WNK3: variants seen among roughly 807,000 people sequenced by gnomAD.
WNK3 encodes WNK lysine deficient protein kinase 3.
A neutral mutation model predicts 116.7 loss-of-function variants in WNK3; 18 were observed. The ratio of observed to expected loss-of-function variants is 0.15; its 90% CI spans 0.11 to 0.23. The LOEUF is 0.23. Among genes scored for constraint, WNK3 ranks in the 10% least tolerant of loss-of-function variants. The probability of loss-of-function intolerance (pLI) is 1.00; values close to 1 mark genes in which losing one functional copy is unlikely to be tolerated. For missense variants in WNK3, 993 were observed against 1,323.8 expected, an observed-to-expected ratio of 0.75 and a Z score of 3.88; for synonymous variants, 404 against 469.4, an observed-to-expected ratio of 0.86 and a Z score of 1.80.
chrX:54,274,498 C>A (rs2068418849), intron 10 of WNK3, among the ~76,000 whole-genome samples: 2 of 111,961 alleles, frequency 1.8e-5, no homozygotes, highest in South Asian at 7.5e-4. Context: ...AACTAAATGT[C>A]ATCTCCTCTC....
intron 10 of WNK3, among the ~76,000 whole-genome samples, chrX:54,275,415 ATGTGTGTGTGTGTGTGTGTGTGTG>A (rs782672834): frequency 3.4e-4 from 22 of 64,416 alleles, no homozygotes; most frequent in African/African-American, 1.0e-3. Context: ...ATAAGTTCAT[ATGTGTGTGTGTGTGTGTGTGTGTG>A]TGTGTGTGTG....
At chrX:54,237,156 G>C (rs2067970754) in exon 20 of WNK3, 2 of 1,211,927 alleles carry the variant, frequency 1.7e-6, no homozygotes, top group Non-Finnish European at 2.2e-6. Context: ...CACTATCAGA[G>C]CTAGGCTGTT....
intron 22 of WNK3, among the ~76,000 whole-genome samples, chrX:54,216,198 A>T (rs918253441): frequency 5.5e-5 from 6 of 108,448 alleles, no homozygotes; most frequent in African/African-American, 1.7e-4. Flanking sequence ...CTTTGTTCAC[A>T]TGTTTATCTG....
chrX:54,314,253 T>A (rs2068925642), intron 2 of WNK3, among the ~76,000 whole-genome samples: 1 of 109,958 alleles, frequency 9.1e-6, no homozygotes, highest in Non-Finnish European at 1.9e-5. Flanking sequence ...TCTCTTTGCT[T>A]GTTTACACCT....
At chrX:54,346,772 A>G (rs1209551955) in intron 1 of WNK3, among the ~76,000 whole-genome samples, 1 of 111,636 alleles carries the variant, frequency 9.0e-6, no homozygotes, top group African/African-American at 3.3e-5. Context: ...ATACACATAT[A>G]AAATATTTAG....
Position 54,255,658 on chromosome X carries a change from A to T in WNK3, c.2250+82T>A. The T allele has an allele frequency of 3.2e-6, 3 of 927,088 alleles. No individual in the cohort carries two copies. The South Asian group carries it at 1.0e-4, about 31-fold the overall frequency. The allele number at this position is 927,088 out of a possible 1,213,427, so 76.4% of individuals were successfully genotyped here. A position where few individuals can be genotyped will look rare whatever the true frequency, so the allele number is the denominator to read the frequency against. On this transcript the variant is annotated intron_variant, in intron 12 of 23. Coordinates refer to ENST00000354646, the Ensembl canonical transcript of WNK3. ...TAGAGAGGGTCTCGCAATATTCTAC[A>T]ACTCACTTCTGCAGCACTGCCCCTC...
intron 1 of WNK3, among the ~76,000 whole-genome samples, chrX:54,335,294 G>C (rs2069220650): frequency 9.0e-6 from 1 of 111,474 alleles, no homozygotes; most frequent in Non-Finnish European, 1.9e-5. Flanking sequence ...TCTTCAGTGA[G>C]ATAAAAGACG....
chrX:54,281,955 C>T (rs925089396), intron 10 of WNK3, among the ~76,000 whole-genome samples: 1 of 109,270 alleles, frequency 9.2e-6, no homozygotes, highest in Non-Finnish European at 1.9e-5. Context: ...GATTTCTTTT[C>T]GTTTGGATAT....
intron 10 of WNK3, among the ~76,000 whole-genome samples, 194 bp downstream of exon 10, chrX:54,292,694 G>A (rs1337523230): frequency 5.0e-5 from 4 of 80,363 alleles, no homozygotes; most frequent in Admixed American, 1.8e-4. Context: ...CAGCAAGAGC[G>A]ACACTCCACC....
rs782395852 is a variant in WNK3, at chrX:54,309,783, C to T, written c.711-468G>A. On this transcript the variant is annotated intron_variant, in intron 3 of 23. Coordinates refer to ENST00000354646, the Ensembl canonical transcript of WNK3. Reference sequence around the variant, plus strand: ...CTGACCTCAGGTGATCTGCCTGCCTCGGCCTCCCAAAGTGCTAGGATGACA... The same window carrying T: ...CTGACCTCAGGTGATCTGCCTGCCTTGGCCTCCCAAAGTGCTAGGATGACA... Among the ~76,000 whole-genome samples the T allele has an allele frequency of 2.7e-4, 30 of 111,862 alleles. No individual in the cohort carries two copies. The South Asian group carries it at 9.6e-3, about 36-fold the overall frequency.
At chrX:54,285,472 G>T (rs1169994563) in intron 10 of WNK3, among the ~76,000 whole-genome samples, 4 of 112,518 alleles carry the variant, frequency 3.6e-5, no homozygotes, top group Admixed American at 9.4e-5. Context: ...TCACTGGGAA[G>T]GGGCATGAGG....
At chrX:54,356,631 T>C (rs1557179444) in intron 1 of WNK3, among the ~76,000 whole-genome samples, 1 of 111,775 alleles carries the variant, frequency 8.9e-6, no homozygotes, top group Middle Eastern at 4.2e-3. Context: ...TCAAAAGTTC[T>C]CTTGGTATTA....
chrX:54,239,918 T>A (rs1406370963), intron 17 of WNK3, among the ~76,000 whole-genome samples: 1 of 111,993 alleles, frequency 8.9e-6, no homozygotes, highest in Non-Finnish European at 1.9e-5. Context: ...ATTAAAAAAA[T>A]ATATAAAAGC....
Position 54,215,175 on chromosome X carries a change from C to T in WNK3, c.4871-12982G>A, listed in dbSNP as rs782539255. On this transcript the variant is annotated intron_variant, in intron 22 of 23. Transcript: ENST00000354646. ...AGTGCACAGTCAATATTTTGCAGCA[C>T]CCTGGAGCTCTCCCTCTCTCTCCGT... 1.0e-4 allele frequency among the ~76,000 whole-genome samples: 11 copies of T among 107,975 alleles called. No homozygotes were observed. The East Asian group carries it at 2.7e-3, about 26-fold the overall frequency. 93.8% of individuals were successfully genotyped at this position (107,975 alleles called of 115,157 possible). A position where few individuals can be genotyped will look rare whatever the true frequency, so the allele number is the denominator to read the frequency against.
intron 10 of WNK3, among the ~76,000 whole-genome samples, chrX:54,276,336 A>AAAAC (rs781860091): frequency 1.0e-4 from 11 of 109,252 alleles, no homozygotes; most frequent in Non-Finnish European, 2.1e-4. Context: ...CTCTGTCTCA[A>AAAAC]AAACAAACAA....
rs188488885 is a variant in WNK3, at chrX:54,268,581, G to A, written c.2038-9243C>T. 1.2e-4 allele frequency among the ~76,000 whole-genome samples: 13 copies of A among 111,441 alleles called. No individual in the cohort carries two copies. In the East Asian group the frequency reaches 3.1e-3, roughly 27 times the overall value. On this transcript the variant is annotated intron_variant, in intron 10 of 23. Transcript: ENST00000354646. ...ATAGCTGGATTCCAGGGTAGGGGCA[G>A]GGAAAAGACAAAATGAGCCTGGAAT...
exon 24 of WNK3, chrX:54,196,190 A>G: frequency 1.8e-5 from 2 of 111,406 alleles, no homozygotes; most frequent in Admixed American, 1.9e-4. Flanking sequence ...AATGTCCTAA[A>G]ATCACTTTAA....
At chrX:54,298,063 ACT>A (rs2068717989) in intron 7 of WNK3, 110 bp downstream of exon 7, 2 of 552,253 alleles carry the variant, frequency 3.6e-6, no homozygotes, top group Non-Finnish European at 3.0e-6. Flanking sequence ...ACAGAGCGAG[ACT>A]CTGTCTCAAA....
chrX:54,240,965 A>G (rs1209626362), intron 17 of WNK3, among the ~76,000 whole-genome samples: 1 of 111,476 alleles, frequency 9.0e-6, no homozygotes, highest in Non-Finnish European at 1.9e-5. Context: ...ATTCACTGCT[A>G]AAGAGATATT....
Sources: allele counts gnomAD v4.1 joint callset (sites outside exome capture counted in the v4.1 genomes callset), GRCh38; gene constraint gnomAD v4.1.1; transcripts MANE v1.5; gene names NCBI Gene and HGNC (gene_info 2026-07-23, HGNC 2026-07-21).